FYN: variants seen among roughly 807,000 people sequenced by gnomAD.
The protein encoded by FYN is tyrosine-protein kinase Fyn.
In FYN, 10 loss-of-function variants were observed where a neutral mutation model predicts 70.2. The ratio of observed to expected loss-of-function variants is 0.14; its 90% CI spans 0.09 to 0.24. FYN has a LOEUF of 0.24. FYN is among the 10% of genes least tolerant of loss of function. The pLI, the probability that FYN is intolerant of heterozygous loss-of-function variation, is 1.00. For missense variants in FYN, 319 were observed against 673.1 expected, an observed-to-expected ratio of 0.47 and a Z score of 5.82; for synonymous variants, 236 against 248.6, an observed-to-expected ratio of 0.95 and a Z score of 0.48.
intron 2 of FYN, among the ~76,000 whole-genome samples, chr6:111,783,833 C>T (rs897976476): frequency 2.0e-5 from 3 of 152,204 alleles, no homozygotes; most frequent in African/African-American, 7.2e-5. Context: ...GTGTGCTGAC[C>T]TGCAACATTC....
At chr6:111,707,131 C>T (rs1332229087) in intron 6 of FYN, among the ~76,000 whole-genome samples, 2 of 152,156 alleles carry the variant, frequency 1.3e-5, no homozygotes, top group Non-Finnish European at 2.9e-5. Flanking sequence ...TTTAGAGAGG[C>T]AAGACCCAAG....
chr6:111,692,964 G>A (rs1053102827), intron 12 of FYN, among the ~76,000 whole-genome samples: 5 of 152,182 alleles, frequency 3.3e-5, no homozygotes, highest in Non-Finnish European at 7.3e-5. Context: ...GGGGGTGTAT[G>A]TGTGTGTGTA....
chr6:111,720,007 C>T lies in FYN; in HGVS notation c.45G>A (p.Thr15=), dbSNP rs146847612. The T allele has an allele frequency of 1.6e-5, 26 of 1,612,846 alleles. No individual in the cohort carries two copies. The highest frequency in any genetic ancestry group is 1.7e-4 in the Middle Eastern group (1 of 6,052). The part of the protein sequence containing the change: ...QCKDKEATKL[T]EERDGSLNQS... ...GGTTCAGGCTGCCGTCCCTCTCCTC[C>T]GTCAGTTTTGTTGCTTCTTTATCCT... The change falls in exon 4 of 14, where the codon ACG becomes ACA. Residue 15 remains threonine, a synonymous_variant. Coordinates refer to ENST00000354650, the MANE Select transcript of FYN (RefSeq NM_002037.5).
chr6:111,794,527 C>G (rs1771740337), intron 2 of FYN, among the ~76,000 whole-genome samples: 1 of 152,150 alleles, frequency 6.6e-6, no homozygotes, highest in African/African-American at 2.4e-5. Flanking sequence ...GGGCAGCGGT[C>G]AGCAACCCCC....
At chr6:111,849,466 G>A (rs372616154) in intron 1 of FYN, among the ~76,000 whole-genome samples, 2 of 152,222 alleles carry the variant, frequency 1.3e-5, no homozygotes, top group East Asian at 3.9e-4. Context: ...CGACAGGGCA[G>A]TGCAGGCAAA....
chr6:111,711,953 T>C (rs2128455107), intron 5 of FYN, among the ~76,000 whole-genome samples: 1 of 152,324 alleles, frequency 6.6e-6, no homozygotes, highest in Non-Finnish European at 1.5e-5. Context: ...AGAGAACCTT[T>C]GTAATATTTT....
chr6:111,661,634 C>T lies in FYN; in HGVS notation c.*105G>A. On this transcript the variant is annotated 3_prime_UTR_variant, in exon 14 of 14. Transcript: ENST00000354650. This position sits in a 1 kb window ranked among gnomAD's most constrained non-coding sequence, Gnocchi z 4.0. ...GCTTCAGAGTCACATGCAATCTGAT[C>T]CTGGGCGGTTCCGCTGCTGGGGAGC... 2 of 1,068,754 alleles carry T rather than the reference C, an allele frequency of 1.9e-6. No homozygotes were observed. Among genetic ancestry groups the T allele is most frequent in the Non-Finnish European group, 2.8e-6 (2 of 724,420 alleles). The allele number at this position is 1,068,754 out of a possible 1,614,324, so 66.2% of individuals were successfully genotyped here.
chr6:111,763,196 A>G (rs1803079528), intron 3 of FYN, among the ~76,000 whole-genome samples: 1 of 152,222 alleles, frequency 6.6e-6, no homozygotes, highest in Non-Finnish European at 1.5e-5. Context: ...TAGCCAAACC[A>G]ATGTATACCT....
chr6:111,799,581 C>T (rs924204326), intron 2 of FYN, among the ~76,000 whole-genome samples: 3 of 152,190 alleles, frequency 2.0e-5, no homozygotes, highest in African/African-American at 7.2e-5. Flanking sequence ...TGACATCTTC[C>T]GTCTCCTTGT....
chr6:111,676,690 A>T (rs1337592073), intron 12 of FYN: 2 of 152,380 alleles, frequency 1.3e-5, no homozygotes, highest in Non-Finnish European at 1.5e-5. Context: ...CTCTTGAGCC[A>T]AATGGCTTGG....
intron 2 of FYN, among the ~76,000 whole-genome samples, chr6:111,786,301 C>A (rs1771379355): frequency 1.3e-5 from 2 of 151,982 alleles, no homozygotes; most frequent in South Asian, 4.2e-4. Flanking sequence ...TGAGTGAGAA[C>A]ATGCGGTGTT....
At chr6:111,740,942 T>G (rs1400944709) in intron 3 of FYN, 1 of 152,012 alleles carries the variant, frequency 6.6e-6, no homozygotes, top group Non-Finnish European at 1.5e-5. Flanking sequence ...AACCCTACTT[T>G]ACAAAATACA....
intron 1 of FYN, among the ~76,000 whole-genome samples, chr6:111,864,490 G>C (rs1255358048): frequency 6.6e-6 from 1 of 152,158 alleles, no homozygotes; most frequent in African/African-American, 2.4e-5. Flanking sequence ...CAAGTCGGTG[G>C]GAAAGGCCAG....
chr6:111,830,424 G>A (rs1772979501), intron 2 of FYN, among the ~76,000 whole-genome samples: 1 of 152,214 alleles, frequency 6.6e-6, no homozygotes, highest in Non-Finnish European at 1.5e-5. Context: ...GGTGGCCAAG[G>A]AGGTGAGAGC....
intron 3 of FYN, among the ~76,000 whole-genome samples, chr6:111,751,608 T>C (rs533547788): frequency 3.3e-4 from 47 of 143,998 alleles, no homozygotes; most frequent in Non-Finnish European, 6.4e-4. Flanking sequence ...GAAGTGGCAG[T>C]GTCTCCATTC....
intron 3 of FYN, among the ~76,000 whole-genome samples, chr6:111,749,348 G>A (rs777205934): frequency 5.9e-5 from 9 of 152,196 alleles, no homozygotes; most frequent in African/African-American, 2.2e-4. Context: ...TACACAGACT[G>A]AGCTGCCCTA....
chr6:111,818,438 ATAT>A (rs1483815116), intron 2 of FYN, among the ~76,000 whole-genome samples: 1 of 152,184 alleles, frequency 6.6e-6, no homozygotes, highest in Non-Finnish European at 1.5e-5. Flanking sequence ...AAAAAGGCAT[ATAT>A]ATGAAGACAA....
chr6:111,704,489 C>T (rs757322111), intron 6 of FYN, among the ~76,000 whole-genome samples: 1 of 152,344 alleles, frequency 6.6e-6, no homozygotes, highest in East Asian at 1.9e-4. Flanking sequence ...CATGGTGGCT[C>T]ATACCTGTAA....
chr6:111,723,512 T>C (rs191933370), intron 3 of FYN, among the ~76,000 whole-genome samples: 4 of 152,372 alleles, frequency 2.6e-5, no homozygotes, highest in Admixed American at 2.6e-4. Flanking sequence ...TTCTCTTCAA[T>C]GACACATAGG....
Sources: allele counts gnomAD v4.1 joint callset (sites outside exome capture counted in the v4.1 genomes callset), GRCh38; gene constraint gnomAD v4.1.1; non-coding constraint Gnocchi (gnomAD v3.1); transcripts MANE v1.5; gene names NCBI Gene and HGNC (gene_info 2026-07-23, HGNC 2026-07-21).